DCUN1D1: variants seen among roughly 807,000 people sequenced by gnomAD.
The protein encoded by DCUN1D1 is defective in cullin neddylation 1 domain containing 1, also known as DCN1-like protein 1.
A neutral mutation model predicts 39.0 loss-of-function variants in DCUN1D1; 3 were observed. The ratio of observed to expected loss-of-function variants is 0.08; its 90% CI spans 0.04 to 0.20. The LOEUF (loss-of-function observed/expected upper bound fraction) is 0.20, where lower values mean the gene tolerates loss of function less well. DCUN1D1 is among the 10% of genes least tolerant of loss of function. The pLI is 1.00. For missense variants in DCUN1D1, 158 were observed against 302.4 expected (o/e 0.52, Z 3.54); for synonymous variants, 82 against 96.3 (o/e 0.85, Z 0.87).
At chr3:182,953,013 T>C (rs1726836248) in intron 4 of DCUN1D1, among the ~76,000 whole-genome samples, 1 of 152,210 alleles carries the variant, frequency 6.6e-6, no homozygotes, top group Non-Finnish European at 1.5e-5. Context: ...AATTTGCACT[T>C]CTTGTCAAAT....
At chr3:182,947,125 AG>A in intron 6 of DCUN1D1, 112 bp downstream of exon 6, 6 of 608,394 alleles carry the variant, frequency 9.9e-6, no homozygotes, top group Non-Finnish European at 8.5e-6. Flanking sequence ...ACAAAACAAA[AG>A]CTCAGCGGAG....
intron 1 of DCUN1D1, among the ~76,000 whole-genome samples, chr3:182,979,587 G>A (rs568532347): frequency 1.9e-5 from 2 of 105,548 alleles, no homozygotes; most frequent in South Asian, 3.2e-4. Context: ...CTGCAAGCCT[G>A]GAGAGGACTT....
In DCUN1D1 at chr3:182,965,603, T is replaced by C. The variant is rs1416142681; in HGVS notation, c.154A>G (p.Ile52Val). 2.5e-6 allele frequency: 4 copies of C among 1,613,854 alleles called. No individual in the cohort carries two copies. In the South Asian group the frequency reaches 4.4e-5, roughly 18 times the overall value. Reference protein sequence around the residue: ...DNFFQNPELYIRESVKGSLDR... With the variant: ...DNFFQNPELYVRESVKGSLDR... ...AATGATCCTTTTACACTCTCTCGTATATAAAGTTCAGGATTTTGGAAAAAA... is the reference window on the plus strand; with the variant it reads ...AATGATCCTTTTACACTCTCTCGTACATAAAGTTCAGGATTTTGGAAAAAA... The change falls in exon 2 of 7, where the codon ATA (isoleucine) becomes GTA (valine). Residue 52 changes from isoleucine (I) to valine (V), a missense_variant. By Grantham distance (29) the Ile-to-Val change is conservative. This residue lies in a region of DCUN1D1 where 107 missense variants were observed against 174.7 expected (regional missense o/e 0.61). Coordinates refer to ENST00000292782, the MANE Select transcript of DCUN1D1 (RefSeq NM_020640.4).
At chr3:182,961,649 C>T (rs1727401943) in intron 3 of DCUN1D1, among the ~76,000 whole-genome samples, 1 of 152,154 alleles carries the variant, frequency 6.6e-6, no homozygotes, top group South Asian at 2.1e-4. Flanking sequence ...TAGAAGTCAG[C>T]TTCAGTGGAT....
intron 1 of DCUN1D1, among the ~76,000 whole-genome samples, chr3:182,967,877 A>C (rs1029553810): frequency 3.3e-5 from 5 of 152,204 alleles, no homozygotes; most frequent in Non-Finnish European, 1.5e-5. Context: ...TTGTTACTGA[A>C]ATTTATTTTA....
chr3:182,985,042 G>A (rs932049807), upstream of DCUN1D1, among the ~76,000 whole-genome samples: 42 of 152,326 alleles, frequency 2.8e-4, no homozygotes, highest in African/African-American at 9.9e-4. Flanking sequence ...ATACATAAGG[G>A]TAAATGCGAT....
In DCUN1D1 at chr3:182,952,336, G is replaced by A. The variant is rs373555257; in HGVS notation, c.521-4704C>T. On this transcript the variant is annotated intron_variant, in intron 4 of 6. Coordinates refer to ENST00000292782, the MANE Select transcript of DCUN1D1 (RefSeq NM_020640.4). Reference sequence around the variant, plus strand: ...ATGTTGGTGTTTTGTAACAACGTGTGTCAACAATAACCACTTTTCCAACCT... The same window carrying A: ...ATGTTGGTGTTTTGTAACAACGTGTATCAACAATAACCACTTTTCCAACCT... Among the ~76,000 whole-genome samples the A allele has an allele frequency of 2.3e-4, 35 of 152,198 alleles. 1 individual carries two copies. The South Asian group carries it at 7.1e-3, about 31-fold the overall frequency.
At chr3:182,979,910 G>GA (rs1261783281) in intron 1 of DCUN1D1, among the ~76,000 whole-genome samples, 1 of 152,184 alleles carries the variant, frequency 6.6e-6, no homozygotes, top group Non-Finnish European at 1.5e-5. Context: ...AGGTGATGGA[G>GA]AAAGGAAAAG....
intron 6 of DCUN1D1, 38 bp from the exon 7 acceptor site, chr3:182,945,211 GA>G: frequency 6.8e-7 from 1 of 1,464,554 alleles, no homozygotes; most frequent in Non-Finnish European, 9.4e-7. Flanking sequence ...AGAGAAGGGG[GA>G]AAAAAGCAGA....
chr3:182,983,165 A>G (rs945563534), upstream of DCUN1D1, among the ~76,000 whole-genome samples: 1 of 151,912 alleles, frequency 6.6e-6, no homozygotes, highest in African/African-American at 2.4e-5. Context: ...CTCCACCCAA[A>G]TGCACCTCAT....
At chr3:182,980,163 G>A in intron 1 of DCUN1D1, 1 of 438,890 alleles carries the variant, frequency 2.3e-6, no homozygotes, top group Non-Finnish European at 2.9e-6. Flanking sequence ...CCCTCCCCCC[G>A]CCCCAACGCC....
At chr3:182,975,397 T>C (rs373771067) in intron 1 of DCUN1D1, among the ~76,000 whole-genome samples, 43 of 151,952 alleles carry the variant, frequency 2.8e-4, no homozygotes, top group South Asian at 6.2e-4. Context: ...AGGATGGTCT[T>C]GATCTCCTGA....
chr3:182,983,022 T>C (rs2108413869), upstream of DCUN1D1, among the ~76,000 whole-genome samples: 1 of 152,176 alleles, frequency 6.6e-6, no homozygotes, highest in East Asian at 1.9e-4. Context: ...CACTGCTCCA[T>C]AGTTGTCTTT....
intron 5 of DCUN1D1, 86 bp from the exon 6 acceptor site, chr3:182,947,420 G>A: frequency 8.9e-7 from 1 of 1,127,732 alleles, no homozygotes; most frequent in Non-Finnish European, 1.3e-6. Flanking sequence ...ATACAAGAAT[G>A]CAAAACAATT....
At chr3:182,975,695 A>C (rs1728196729) in intron 1 of DCUN1D1, among the ~76,000 whole-genome samples, 1 of 151,238 alleles carries the variant, frequency 6.6e-6, no homozygotes, top group Admixed American at 6.6e-5. Flanking sequence ...AAAAAAAAAA[A>C]AACAAAAACA....
At chr3:182,967,633 C>G (rs1727738936) in intron 1 of DCUN1D1, among the ~76,000 whole-genome samples, 1 of 152,186 alleles carries the variant, frequency 6.6e-6, no homozygotes, top group Non-Finnish European at 1.5e-5. Flanking sequence ...AAATTCACTA[C>G]TCTTCTGCTA....
chr3:182,963,472 C>T (rs1214314465), intron 3 of DCUN1D1, among the ~76,000 whole-genome samples: 1 of 152,160 alleles, frequency 6.6e-6, no homozygotes, highest in Non-Finnish European at 1.5e-5. Context: ...TTCAGCTAAT[C>T]AGCTGTCAAA....
intron 1 of DCUN1D1, among the ~76,000 whole-genome samples, chr3:182,974,189 T>C (rs555985163): frequency 1.3e-5 from 2 of 151,826 alleles, no homozygotes; most frequent in Non-Finnish European, 2.9e-5. Flanking sequence ...GAGGCAGAGG[T>C]TGCAGTGAGC....
rs1362299601 is a variant in DCUN1D1, at chr3:182,944,283, T to C, written c.*811A>G. ...CAGGCAGATAAGCATTTCAAAAGCATAATGAAGTCCAATTATGTAGTGCAT... is the reference window on the plus strand; with the variant it reads ...CAGGCAGATAAGCATTTCAAAAGCACAATGAAGTCCAATTATGTAGTGCAT... On this transcript the variant is annotated 3_prime_UTR_variant, in exon 7 of 7. Transcript: ENST00000292782. The C allele has an allele frequency of 6.6e-6, 1 of 152,642 alleles. No individual in the cohort carries two copies. The highest frequency in any genetic ancestry group is 2.4e-5 in the African/African-American group (1 of 41,470). 9.5% of individuals were successfully genotyped at this position (152,642 alleles called of 1,614,324 possible).
Sources: gnomAD v4.1 joint callset for allele counts (sites outside exome capture counted in the v4.1 genomes callset) on GRCh38, gnomAD v4.1.1 for gene constraint, gnomAD v4.1.1 regional missense constraint, MANE v1.5 for transcripts, NCBI Gene and HGNC (gene_info 2026-07-23, HGNC 2026-07-21) for gene names.